The following PLXNA4 variants were observed in gnomAD, a reference collection of about 807,000 sequenced individuals.
PLXNA4 encodes the protein plexin A4.
PLXNA4 carries 44 observed loss-of-function variants against 191.8 expected under a neutral mutation model. That is an observed-to-expected ratio of 0.23 (90% CI 0.18 to 0.29). The LOEUF (loss-of-function observed/expected upper bound fraction) is 0.29. Among genes scored for constraint, PLXNA4 ranks in the 10% least tolerant of loss-of-function variants. The probability of loss-of-function intolerance (pLI) is 1.00; values close to 1 mark genes in which losing one functional copy is unlikely to be tolerated. For synonymous variants in PLXNA4, 1,082 were observed against 1,009.5 expected, an observed-to-expected ratio of 1.07 and a Z score of -1.36; for missense variants, 1,800 against 2,488.8, an observed-to-expected ratio of 0.72 and a Z score of 5.89.
intron 3 of PLXNA4, among the ~76,000 whole-genome samples, chr7:132,483,790 A>T (rs1406099349): frequency 6.6e-6 from 1 of 152,256 alleles, no homozygotes; most frequent in Non-Finnish European, 1.5e-5. Flanking sequence ...ACTAGCAATG[A>T]TCACTTGGAA....
At chr7:132,588,677 AAGGGAGGAG>A (rs1802547961) in intron 2 of PLXNA4, among the ~76,000 whole-genome samples, 1 of 105,234 alleles carries the variant, frequency 9.5e-6, no homozygotes, top group Non-Finnish European at 1.9e-5. Context: ...AAGGGAAGGG[AAGGGAGGAG>A]GGAGGGAGGG....
At chr7:132,602,952 T>TC (rs948167659) in intron 2 of PLXNA4, among the ~76,000 whole-genome samples, 3 of 151,904 alleles carry the variant, frequency 2.0e-5, no homozygotes, top group African/African-American at 7.3e-5. Flanking sequence ...AGAGAACTTC[T>TC]CCCCCACCAT....
intron 2 of PLXNA4, among the ~76,000 whole-genome samples, chr7:132,496,384 C>T (rs1798012257): frequency 6.6e-6 from 1 of 151,972 alleles, no homozygotes; most frequent in Admixed American, 6.6e-5. Flanking sequence ...ACAGAAAAAA[C>T]AAAACAAAAC....
chr7:132,325,804 A>G (rs1463078936), intron 3 of PLXNA4, among the ~76,000 whole-genome samples: 1 of 152,200 alleles, frequency 6.6e-6, no homozygotes, highest in Admixed American at 6.5e-5. Flanking sequence ...TAGGAAACTG[A>G]CACACGTAAG....
At chr7:132,390,473 G>A (rs895032329) in intron 3 of PLXNA4, among the ~76,000 whole-genome samples, 2 of 152,042 alleles carry the variant, frequency 1.3e-5, no homozygotes, top group Non-Finnish European at 2.9e-5. Context: ...GTAGATGACC[G>A]GTTGATGAGT....
chr7:132,310,557 C>A (rs572483310), intron 3 of PLXNA4, among the ~76,000 whole-genome samples: 35 of 152,326 alleles, frequency 2.3e-4, no homozygotes, highest in African/African-American at 8.4e-4. Context: ...CTTACAGGAC[C>A]ACCAAACCTC....
chr7:132,627,979 C>T (rs2116874999), intron 2 of PLXNA4, among the ~76,000 whole-genome samples: 1 of 152,322 alleles, frequency 6.6e-6, no homozygotes, highest in South Asian at 2.1e-4. Flanking sequence ...CATTCCCGGT[C>T]TTCAATGCAT....
At chr7:132,420,434 T>C (rs2117139792) in intron 3 of PLXNA4, among the ~76,000 whole-genome samples, 1 of 152,294 alleles carries the variant, frequency 6.6e-6, no homozygotes, top group Non-Finnish European at 1.5e-5. Context: ...CATCCTCTGG[T>C]GCTCCTTGGT....
chr7:132,476,207 G>C (rs1428116808), intron 3 of PLXNA4, among the ~76,000 whole-genome samples: 1 of 152,154 alleles, frequency 6.6e-6, no homozygotes, highest in South Asian at 2.1e-4. Context: ...GAAGAGCTTA[G>C]ACAGAATCAA....
chr7:132,164,924 C>T (rs933374796), intron 23 of PLXNA4, among the ~76,000 whole-genome samples: 1 of 152,220 alleles, frequency 6.6e-6, no homozygotes, highest in Non-Finnish European at 1.5e-5. Context: ...CAGTAGGAAA[C>T]TAGCCTTGGG....
intron 30 of PLXNA4, among the ~76,000 whole-genome samples, chr7:132,137,251 A>C (rs2116525033): frequency 6.6e-6 from 1 of 152,348 alleles, no homozygotes; most frequent in African/African-American, 2.4e-5. Flanking sequence ...CACACATGAT[A>C]GATGACATTC....
intron 3 of PLXNA4, among the ~76,000 whole-genome samples, chr7:132,307,406 T>C (rs1049422334): frequency 1.3e-5 from 2 of 152,228 alleles, no homozygotes; most frequent in Admixed American, 1.3e-4. Flanking sequence ...CAGAAATCTT[T>C]ATCAAGGGAT....
chr7:132,350,922 G>T (rs1382119083), intron 3 of PLXNA4, among the ~76,000 whole-genome samples: 3 of 152,168 alleles, frequency 2.0e-5, no homozygotes. Context: ...AATAAAATGT[G>T]GTATATCCAT....
Position 132,175,489 on chromosome 7 carries a change from C to A in PLXNA4, c.3875-569G>T, listed in dbSNP as rs56137938. The stretch of plus-strand genomic sequence containing the variant: ...GGAGGCTCAGCCACACTAATATAGT[C>A]CTTCTGTATAAATAGGCAAGGTATT... On this transcript the variant is annotated intron_variant, in intron 20 of 31. Coordinates refer to ENST00000321063, the MANE Select transcript of PLXNA4 (RefSeq NM_020911.2). Among the ~76,000 whole-genome samples, 321 of 152,324 alleles carry A rather than the reference C, an allele frequency of 2.1e-3. 1 individual carries two copies. The highest frequency in any genetic ancestry group is 7.3e-3 in the African/African-American group (304 of 41,570).
At chr7:132,385,273 G>A (rs747462361) in intron 3 of PLXNA4, 4 of 1,613,762 alleles carry the variant, frequency 2.5e-6, no homozygotes, top group South Asian at 2.2e-5. Flanking sequence ...CTCAAGGGTA[G>A]GGCAGAGGCT....
chr7:132,235,095 A>T (rs1798652788), intron 5 of PLXNA4, among the ~76,000 whole-genome samples: 1 of 152,208 alleles, frequency 6.6e-6, no homozygotes, highest in African/African-American at 2.4e-5. Context: ...ACTTCCCAAC[A>T]GTGGGCTGGC....
intron 5 of PLXNA4, among the ~76,000 whole-genome samples, chr7:132,229,300 G>A (rs1798443347): frequency 6.6e-6 from 1 of 152,220 alleles, no homozygotes; most frequent in Admixed American, 6.5e-5. Flanking sequence ...AGTGGACCAT[G>A]TCCAGTGTGA....
chr7:132,441,682 CATTAT>C (rs1301130539), intron 3 of PLXNA4, among the ~76,000 whole-genome samples: 1 of 152,184 alleles, frequency 6.6e-6, no homozygotes, highest in African/African-American at 2.4e-5. Context: ...TTACATTTCA[CATTAT>C]ATTTATATTT....
At chr7:132,202,609 C>T (rs1797476120) in intron 12 of PLXNA4, 37 bp downstream of exon 12, 1 of 1,439,196 alleles carries the variant, frequency 6.9e-7, no homozygotes, top group Non-Finnish European at 9.2e-7. Context: ...AGCCTGGAGC[C>T]TGCCCATTTG....
Sources: allele counts gnomAD v4.1 joint callset (sites outside exome capture counted in the v4.1 genomes callset), GRCh38; gene constraint gnomAD v4.1.1; transcripts MANE v1.5; gene names NCBI Gene and HGNC (gene_info 2026-07-23, HGNC 2026-07-21).